NEK5: variants seen among roughly 807,000 people sequenced by gnomAD.
NEK5 encodes NIMA related kinase 5, also known as serine/threonine-protein kinase Nek5.
NEK5 carries 88 observed loss-of-function variants against 109.2 expected under a neutral mutation model. The ratio of observed to expected loss-of-function variants is 0.81; its 90% confidence interval spans 0.68 to 0.96. The LOEUF (loss-of-function observed/expected upper bound fraction) is 0.96, where lower values mean the gene tolerates loss of function less well. NEK5 is among the 40% of genes least tolerant of loss of function. The pLI is 0.00. For synonymous variants in NEK5, 283 were observed against 299.9 expected (o/e 0.94, Z 0.58); for missense variants, 834 against 920.7 (o/e 0.91, Z 1.22).
chr13:52,110,036 T>G (rs1955727873), intron 7 of NEK5, among the ~76,000 whole-genome samples: 3 of 152,212 alleles, frequency 2.0e-5, no homozygotes, highest in Admixed American at 1.3e-4. Context: ...TTTGACTTTT[T>G]TCATTAAGAA....
intron 16 of NEK5, among the ~76,000 whole-genome samples, chr13:52,084,706 T>G (rs1955082932): frequency 8.1e-6 from 1 of 123,266 alleles, no homozygotes; most frequent in Non-Finnish European, 1.7e-5. Flanking sequence ...TCCGGCTAAT[T>G]TAAAGAGAGA....
intron 11 of NEK5, among the ~76,000 whole-genome samples, chr13:52,101,444 TCTC>T (rs1955528609): frequency 6.6e-6 from 1 of 152,098 alleles, no homozygotes; most frequent in East Asian, 1.9e-4. Flanking sequence ...CCATAAAATA[TCTC>T]CTGCCTTCTT....
intron 14 of NEK5, among the ~76,000 whole-genome samples, chr13:52,087,778 A>G (rs1233524060): frequency 6.6e-6 from 1 of 152,006 alleles, no homozygotes; most frequent in Non-Finnish European, 1.5e-5. Context: ...GGCACCCGCC[A>G]CCACACCCGG....
chr13:52,115,216 T>G (rs959365857), intron 4 of NEK5, among the ~76,000 whole-genome samples: 1 of 151,802 alleles, frequency 6.6e-6, no homozygotes, highest in Non-Finnish European at 1.5e-5. Context: ...GGTTTCACTG[T>G]GGTCTCGATC....
intron 17 of NEK5, among the ~76,000 whole-genome samples, chr13:52,079,993 C>A (rs1490879468): frequency 6.6e-6 from 1 of 151,842 alleles, no homozygotes; most frequent in African/African-American, 2.4e-5. Flanking sequence ...CCGGCCGCCC[C>A]ATCTGAGAAG....
chr13:52,046,301 A>T (rs1954458441), intron 23 of NEK5, among the ~76,000 whole-genome samples: 1 of 144,504 alleles, frequency 6.9e-6, no homozygotes, highest in Admixed American at 7.1e-5. Flanking sequence ...ACACGGCAAG[A>T]CCCTGTCTCT....
intron 8 of NEK5, among the ~76,000 whole-genome samples, chr13:52,105,673 C>T (rs1955639079): frequency 6.6e-6 from 1 of 152,088 alleles, no homozygotes; most frequent in South Asian, 2.1e-4. Context: ...TTCATATGCC[C>T]CCAGGGCTCA....
intron 19 of NEK5, among the ~76,000 whole-genome samples, chr13:52,074,081 C>A (rs932082500): frequency 2.0e-5 from 3 of 152,020 alleles, no homozygotes; most frequent in African/African-American, 7.2e-5. Flanking sequence ...AACACTATTC[C>A]TGTCAAACTA....
chr13:52,065,141 A>G (rs1199131495), intron 21 of NEK5: 8 of 354,726 alleles, frequency 2.3e-5, no homozygotes, highest in Non-Finnish European at 3.6e-5. Flanking sequence ...TTAAAAAAAA[A>G]AAAATGACCC....
At chr13:52,094,647 C>T (rs891601305) in intron 12 of NEK5, among the ~76,000 whole-genome samples, 1 of 152,094 alleles carries the variant, frequency 6.6e-6, no homozygotes, top group African/African-American at 2.4e-5. Context: ...ATTAGCTGGG[C>T]GTGATGGCGG....
chr13:52,045,431 G>A (rs1372249384), intron 23 of NEK5, among the ~76,000 whole-genome samples: 1 of 150,694 alleles, frequency 6.6e-6, no homozygotes, highest in Admixed American at 6.6e-5. Flanking sequence ...ACCTTTTTAA[G>A]TAAATGGTGC....
At chr13:52,064,391 C>T (rs531415386) in intron 21 of NEK5, among the ~76,000 whole-genome samples, 19 of 138,010 alleles carry the variant, frequency 1.4e-4, no homozygotes, top group East Asian at 2.3e-4. Flanking sequence ...CCGCCCCGTC[C>T]GGGAGGTGGG....
In NEK5 at chr13:52,104,493, C is replaced by G. The variant is rs777408243; in HGVS notation, c.609+5G>C. The G allele has an allele frequency of 1.9e-6, 3 of 1,584,284 alleles. No homozygotes were observed. Among genetic ancestry groups the G allele is most frequent in the Non-Finnish European group, 2.6e-6 (3 of 1,153,060 alleles). ...CAAGATTAGTCTGACAATGAGCATA[C>G]TTACAGGATGTTTAAGTGTGCAGAG... On this transcript the variant is annotated splice_donor_5th_base_variant and intron_variant, in intron 9 of 23. Transcript: ENST00000684899.
At chr13:52,094,006 A>T (rs1955351532) in intron 12 of NEK5, among the ~76,000 whole-genome samples, 1 of 152,246 alleles carries the variant, frequency 6.6e-6, no homozygotes, top group Admixed American at 6.5e-5. Context: ...CATGACTTAA[A>T]GGAAAGAAGA....
chr13:52,087,928 C>CT (rs758944022), intron 14 of NEK5, among the ~76,000 whole-genome samples: 4,929 of 110,296 alleles, frequency 0.045, 119 homozygotes, highest in South Asian at 0.11. Context: ...CCCAGCCTTT[C>CT]TTTTTTTTTT....
chr13:52,115,042 T>A (rs1340476693), intron 4 of NEK5, among the ~76,000 whole-genome samples: 1 of 150,928 alleles, frequency 6.6e-6, no homozygotes, highest in Non-Finnish European at 1.5e-5. Flanking sequence ...AGACGGAATC[T>A]CGCTCTGTCA....
intron 11 of NEK5, among the ~76,000 whole-genome samples, chr13:52,100,659 A>G (rs1955510600): frequency 2.0e-5 from 3 of 152,004 alleles, no homozygotes; most frequent in Admixed American, 2.0e-4. Context: ...GGATTGTTTG[A>G]GCTCAGGAGT....
intron 7 of NEK5, among the ~76,000 whole-genome samples, chr13:52,108,789 CTAT>C (rs1955701828): frequency 6.6e-6 from 1 of 152,186 alleles, no homozygotes; most frequent in Non-Finnish European, 1.5e-5. Context: ...CCTAAAACAA[CTAT>C]TGTTAAAATT....
intron 22 of NEK5, among the ~76,000 whole-genome samples, chr13:52,054,435 C>T (rs1258046079): frequency 6.6e-6 from 1 of 152,242 alleles, no homozygotes; most frequent in Non-Finnish European, 1.5e-5. Flanking sequence ...ATCCTCCTGC[C>T]TCAGCCTCCC....
Sources: allele counts gnomAD v4.1 joint callset (sites outside exome capture counted in the v4.1 genomes callset), GRCh38; gene constraint gnomAD v4.1.1; transcripts MANE v1.5; gene names NCBI Gene and HGNC (gene_info 2026-07-23, HGNC 2026-07-21).